ACBD6: variants seen among roughly 807,000 people sequenced by gnomAD.
ACBD6 encodes acyl-CoA binding domain containing 6, also known as acyl-CoA-binding domain-containing protein 6.
Under a neutral mutation model 37.2 loss-of-function variants are expected in ACBD6, and 28 were observed. The ratio of observed to expected loss-of-function variants is 0.75; its 90% CI spans 0.56 to 1.03. The LOEUF is 1.03. Ranked by LOEUF, ACBD6 falls within the 50% of genes least tolerant of loss-of-function variation. The pLI is 0.00. For missense variants in ACBD6, 340 were observed against 337.4 expected, an observed-to-expected ratio of 1.01 and a Z score of -0.06; for synonymous variants, 113 against 126.8, an observed-to-expected ratio of 0.89 and a Z score of 0.73.
At chr1:180,423,206 C>CA (rs1313331070) in intron 4 of ACBD6, among the ~76,000 whole-genome samples, 1 of 152,000 alleles carries the variant, frequency 6.6e-6, no homozygotes, top group Non-Finnish European at 1.5e-5. Flanking sequence ...TGCAAATTTC[C>CA]AAAAAAGTTT....
intron 3 of ACBD6, among the ~76,000 whole-genome samples, chr1:180,444,298 A>G (rs569132917): frequency 6.6e-6 from 1 of 152,118 alleles, no homozygotes; most frequent in Non-Finnish European, 1.5e-5. Flanking sequence ...AAAAAAAAAA[A>G]AAGAAAGTAC....
intron 6 of ACBD6, among the ~76,000 whole-genome samples, chr1:180,385,042 T>C (rs1032799069): frequency 6.6e-6 from 1 of 152,046 alleles, no homozygotes; most frequent in African/African-American, 2.4e-5. Context: ...GTTTGATCAA[T>C]AGGTATAAAC....
intron 6 of ACBD6, among the ~76,000 whole-genome samples, chr1:180,368,717 C>CATAT (rs35113782): frequency 0.013 from 1,972 of 148,466 alleles, 12 homozygotes; most frequent in African/African-American, 0.023. Context: ...ATTATTTTTT[C>CATAT]ATATATATAT....
At chr1:180,430,144 T>C (rs780642725) in intron 4 of ACBD6, 36 bp downstream of exon 4, 1 of 1,541,030 alleles carries the variant, frequency 6.5e-7, no homozygotes, top group Non-Finnish European at 9.0e-7. Context: ...CACAGGCATA[T>C]ATATTTCTAT....
chr1:180,360,584 A>C (rs909582246), intron 6 of ACBD6, among the ~76,000 whole-genome samples: 4 of 152,174 alleles, frequency 2.6e-5, no homozygotes, highest in African/African-American at 9.7e-5. Flanking sequence ...TGTAATTCTA[A>C]TGGAATCTAA....
intron 6 of ACBD6, among the ~76,000 whole-genome samples, chr1:180,378,081 T>A (rs978523987): frequency 1.3e-5 from 2 of 151,974 alleles, no homozygotes; most frequent in African/African-American, 4.8e-5. Context: ...AACTTTACAG[T>A]AAAGAAATCA....
Position 180,378,276 on chromosome 1 carries a change from CA to C in ACBD6, c.663+19239del, listed in dbSNP as rs545699182. 2.0e-5 allele frequency among the ~76,000 whole-genome samples: 3 copies of C among 152,208 alleles called. No homozygotes were observed. The South Asian group carries it at 6.2e-4, about 32-fold the overall frequency. ...ACAAACCCAAGTGAGGAACATTCTA[CA>C]AACTAATTAGTTATCTTCAAAAGCA... is the stretch of plus-strand genomic sequence containing the variant. On this transcript the variant is annotated intron_variant, in intron 6 of 7. Transcript: ENST00000367595.
intron 5 of ACBD6, among the ~76,000 whole-genome samples, chr1:180,407,331 C>A (rs1647666989): frequency 1.3e-5 from 2 of 152,210 alleles, no homozygotes; most frequent in African/African-American, 4.8e-5. Context: ...GGTTAACAAA[C>A]TGGAAGATCT....
At chr1:180,348,151 T>A (rs990431999) in intron 6 of ACBD6, among the ~76,000 whole-genome samples, 11 of 152,112 alleles carry the variant, frequency 7.2e-5, no homozygotes, top group Admixed American at 6.5e-4. Flanking sequence ...AAGAAAAATA[T>A]AATGAAAGAA....
At chr1:180,326,968 A>G (rs1350041111) in intron 6 of ACBD6, among the ~76,000 whole-genome samples, 1 of 152,016 alleles carries the variant, frequency 6.6e-6, no homozygotes, top group Non-Finnish European at 1.5e-5. Flanking sequence ...CCTCTTCTCA[A>G]ACAGAAGGAA....
chr1:180,355,432 C>G (rs895652661), intron 6 of ACBD6, among the ~76,000 whole-genome samples: 6 of 152,266 alleles, frequency 3.9e-5, no homozygotes, highest in African/African-American at 1.4e-4. Flanking sequence ...AAGTGCATGT[C>G]CTGTACTGAC....
chr1:180,314,213 T>C (rs1447947480), intron 7 of ACBD6, among the ~76,000 whole-genome samples: 1 of 152,170 alleles, frequency 6.6e-6, no homozygotes, highest in Non-Finnish European at 1.5e-5. Context: ...AATGTGACCA[T>C]AAGAATTTTA....
At chr1:180,452,809 T>C (rs1209191585) in intron 3 of ACBD6, among the ~76,000 whole-genome samples, 1 of 152,130 alleles carries the variant, frequency 6.6e-6, no homozygotes, top group Non-Finnish European at 1.5e-5. Context: ...AACTAGAATA[T>C]CTAGAAGAAA....
intron 4 of ACBD6, among the ~76,000 whole-genome samples, chr1:180,417,086 A>G (rs1648128692): frequency 6.6e-6 from 1 of 152,230 alleles, no homozygotes; most frequent in South Asian, 2.1e-4. Context: ...AGATAAAAAC[A>G]AATGCCATAA....
chr1:180,419,205 C>T (rs576560967), intron 4 of ACBD6, among the ~76,000 whole-genome samples: 34 of 152,182 alleles, frequency 2.2e-4, no homozygotes, highest in African/African-American at 7.9e-4. Flanking sequence ...GAGCAGAGAT[C>T]GCGCCACTGC....
chr1:180,474,804 T>A (rs538068448), intron 3 of ACBD6, among the ~76,000 whole-genome samples: 1 of 152,208 alleles, frequency 6.6e-6, no homozygotes, highest in Non-Finnish European at 1.5e-5. Flanking sequence ...AATAAAAAAA[T>A]ATCCTCCTTC....
chr1:180,435,652 G>A, intron 3 of ACBD6: 1 of 989,584 alleles, frequency 1.0e-6, no homozygotes, highest in Non-Finnish European at 1.6e-6. Flanking sequence ...TGAATGACGG[G>A]ACAGAGTTTG....
At position 180,295,378 on chromosome 1, in the gene ACBD6, C is replaced by T. The variant is rs74342004; in HGVS notation, c.695-6861G>A. 7.7e-3 allele frequency among the ~76,000 whole-genome samples: 1,170 copies of T among 151,282 alleles called. 5 individuals carry two copies. The highest frequency in any genetic ancestry group is 0.013 in the Non-Finnish European group (878 of 67,814). On this transcript the variant is annotated intron_variant, in intron 7 of 7. Coordinates refer to ENST00000367595, the MANE Select transcript of ACBD6 (RefSeq NM_032360.4). ...CTCTGCCTCCCTGGCCTGGCTTAAG[C>T]GATTCTCCTGCCTCAGCCTCCCAAG...
chr1:180,417,318 G>C (rs771927476), intron 4 of ACBD6, among the ~76,000 whole-genome samples: 1 of 152,078 alleles, frequency 6.6e-6, no homozygotes, highest in African/African-American at 2.4e-5. Context: ...CTCCTCGTTT[G>C]TAAAGGAGAG....
Sources: gnomAD v4.1 joint callset for allele counts (sites outside exome capture counted in the v4.1 genomes callset) on GRCh38, gnomAD v4.1.1 for gene constraint, MANE v1.5 for transcripts, NCBI Gene and HGNC (gene_info 2026-07-23, HGNC 2026-07-21) for gene names.